The following IKZF3 variants were observed in gnomAD, a reference collection of about 807,000 sequenced individuals.
IKZF3 encodes the protein zinc finger protein Aiolos.
Under a neutral mutation model 49.0 loss-of-function variants are expected in IKZF3, and 10 were observed. The observed-to-expected ratio is 0.20, with a 90% CI of 0.13 to 0.35. IKZF3 has a LOEUF of 0.35. Ranked by LOEUF, IKZF3 falls within the 10% of genes least tolerant of loss-of-function variation. The pLI, the probability that IKZF3 is intolerant of heterozygous loss-of-function variation, is 1.00. For missense variants in IKZF3, 498 were observed against 664.8 expected, an observed-to-expected ratio of 0.75 and a Z score of 2.76; for synonymous variants, 209 against 228.2, an observed-to-expected ratio of 0.92 and a Z score of 0.76.
intron 3 of IKZF3, among the ~76,000 whole-genome samples, chr17:39,793,636 C>T (rs1218487647): frequency 2.0e-5 from 3 of 152,122 alleles, no homozygotes. Context: ...GTAAGTGGGG[C>T]TCAATCTAAA....
intron 5 of IKZF3, among the ~76,000 whole-genome samples, chr17:39,791,064 T>A (rs2061006769): frequency 2.0e-5 from 3 of 152,130 alleles, no homozygotes; most frequent in Admixed American, 2.0e-4. Flanking sequence ...GGAAAGAGTG[T>A]GTGTGTTGGG....
intron 3 of IKZF3, among the ~76,000 whole-genome samples, chr17:39,808,662 G>T (rs1195095332): frequency 6.6e-6 from 1 of 152,172 alleles, no homozygotes; most frequent in Non-Finnish European, 1.5e-5. Context: ...TTCACTGAGG[G>T]TTCATTCAGG....
At chr17:39,858,027 C>T (rs942351489) in intron 1 of IKZF3, among the ~76,000 whole-genome samples, 1 of 150,564 alleles carries the variant, frequency 6.6e-6, no homozygotes, top group African/African-American at 2.4e-5. Flanking sequence ...CTAGAAGGGG[C>T]TATAGGTGTA....
intron 3 of IKZF3, among the ~76,000 whole-genome samples, chr17:39,829,175 AT>A (rs1342093205): frequency 6.6e-6 from 1 of 152,214 alleles, no homozygotes; most frequent in African/African-American, 2.4e-5. Context: ...TGAAGTTAAT[AT>A]AATTGGAACA....
intron 3 of IKZF3, among the ~76,000 whole-genome samples, chr17:39,819,745 C>G (rs1359255507): frequency 3.9e-5 from 6 of 152,180 alleles, no homozygotes; most frequent in Admixed American, 1.3e-4. Context: ...TCTTGGCTCA[C>G]TGCAACCTCT....
At chr17:39,781,114 T>C (rs1049088052) in intron 6 of IKZF3, among the ~76,000 whole-genome samples, 2 of 152,196 alleles carry the variant, frequency 1.3e-5, no homozygotes, top group African/African-American at 4.8e-5. Context: ...GACACTGCTA[T>C]TGAGTGAAGA....
In IKZF3 at chr17:39,757,738, T is replaced by C. The variant is rs2060097814; in HGVS notation, c.*8052A>G. 1 of 152,214 alleles carries C rather than the reference T, an allele frequency of 6.6e-6. No individual in the cohort carries two copies. Among genetic ancestry groups the C allele is most frequent in the Non-Finnish European group, 1.5e-5 (1 of 68,034 alleles). 9.4% of individuals were successfully genotyped at this position (152,214 alleles called of 1,614,324 possible). A position where few individuals can be genotyped will look rare whatever the true frequency, so the allele number is the denominator to read the frequency against. ...ACTAATTTCAAACATACCAGGATTT[T>C]TTTATTTTTCAGTGTAAAAATCAAA... is the stretch of plus-strand genomic sequence containing the variant. On this transcript the variant is annotated 3_prime_UTR_variant, in exon 8 of 8. Coordinates refer to ENST00000346872, the MANE Select transcript of IKZF3 (RefSeq NM_012481.5).
chr17:39,791,264 G>T, intron 5 of IKZF3, 152 bp downstream of exon 5: 1 of 693,284 alleles, frequency 1.4e-6, no homozygotes, highest in East Asian at 2.8e-5. Context: ...TGCCTTAATG[G>T]TCGTGTAATT....
intron 6 of IKZF3, chr17:39,778,032 T>C: frequency 8.9e-7 from 1 of 1,117,442 alleles, no homozygotes; most frequent in Non-Finnish European, 1.1e-6. Context: ...AGAGGAAGTA[T>C]TAAATAAACA....
At chr17:39,814,203 G>T (rs750441676) in intron 3 of IKZF3, among the ~76,000 whole-genome samples, 1 of 151,748 alleles carries the variant, frequency 6.6e-6, no homozygotes, top group Non-Finnish European at 1.5e-5. Flanking sequence ...TCTAATTAAA[G>T]TTCTTATCTT....
chr17:39,778,180 T>G (rs974202146), intron 6 of IKZF3: 1 of 987,380 alleles, frequency 1.0e-6, no homozygotes, highest in Non-Finnish European at 1.2e-6. Context: ...AAAAGCATGG[T>G]GCCCCAGATT....
chr17:39,838,679 A>G (rs1247442149), intron 1 of IKZF3, among the ~76,000 whole-genome samples: 2 of 152,126 alleles, frequency 1.3e-5, no homozygotes, highest in East Asian at 1.9e-4. Context: ...TCTTGAGGTC[A>G]GTTACCATTG....
intron 3 of IKZF3, among the ~76,000 whole-genome samples, chr17:39,816,605 A>G (rs1470881512): frequency 1.3e-5 from 2 of 152,260 alleles, no homozygotes; most frequent in African/African-American, 4.8e-5. Context: ...CCTTTACAGA[A>G]AAAGTTTGCC....
intron 2 of IKZF3, among the ~76,000 whole-genome samples, chr17:39,830,416 C>G (rs191833372): frequency 6.6e-6 from 1 of 152,238 alleles, no homozygotes; most frequent in South Asian, 2.1e-4. Flanking sequence ...ACAACTCTAA[C>G]ACATGGTAGG....
chr17:39,831,284 G>C (rs992641317), intron 2 of IKZF3, among the ~76,000 whole-genome samples: 3 of 151,996 alleles, frequency 2.0e-5, no homozygotes, highest in Admixed American at 1.3e-4. Context: ...TGAGGCAGGA[G>C]AATGGCTTGA....
intron 3 of IKZF3, among the ~76,000 whole-genome samples, chr17:39,815,214 C>T (rs996749447): frequency 1.3e-5 from 2 of 152,170 alleles, no homozygotes; most frequent in African/African-American, 2.4e-5. Flanking sequence ...ATGGCAAAGA[C>T]GGGAATCCAA....
intron 3 of IKZF3, among the ~76,000 whole-genome samples, chr17:39,795,822 G>T (rs1218143009): frequency 6.6e-6 from 1 of 151,382 alleles, no homozygotes; most frequent in African/African-American, 2.4e-5. Context: ...GGAGGCCAAG[G>T]CAGGTGGATC....
At chr17:39,849,641 G>A (rs902984579) in intron 1 of IKZF3, among the ~76,000 whole-genome samples, 1 of 152,118 alleles carries the variant, frequency 6.6e-6, no homozygotes, top group Non-Finnish European at 1.5e-5. Context: ...AACAGAGCGA[G>A]ACTCCGTCTC....
At chr17:39,855,436 T>C (rs1378826566) in intron 1 of IKZF3, among the ~76,000 whole-genome samples, 2 of 152,336 alleles carry the variant, frequency 1.3e-5, no homozygotes, top group Non-Finnish European at 2.9e-5. Context: ...ATTATATAGA[T>C]TGGATCTCCC....
Sources: gnomAD v4.1 joint callset for allele counts (sites outside exome capture counted in the v4.1 genomes callset) on GRCh38, gnomAD v4.1.1 for gene constraint, MANE v1.5 for transcripts, NCBI Gene and HGNC (gene_info 2026-07-23, HGNC 2026-07-21) for gene names.